GRIN2B: variants seen among roughly 807,000 people sequenced by gnomAD.
GRIN2B encodes glutamate receptor ionotropic, NMDA 2B.
Under a neutral mutation model 114.5 loss-of-function variants are expected in GRIN2B, and 5 were observed. That is an observed-to-expected ratio of 0.04 (90% CI 0.02 to 0.09). The LOEUF (loss-of-function observed/expected upper bound fraction) is 0.09. Among genes scored for constraint, GRIN2B ranks in the 10% least tolerant of loss-of-function variants. GRIN2B has a pLI of 1.00. For synonymous variants in GRIN2B, 787 were observed against 745.1 expected, an observed-to-expected ratio of 1.06 and a Z score of -0.92; for missense variants, 1,108 against 1,943.5, an observed-to-expected ratio of 0.57 and a Z score of 8.08.
At chr12:13,806,002 T>C (rs535168005) in intron 3 of GRIN2B, among the ~76,000 whole-genome samples, 1 of 152,330 alleles carries the variant, frequency 6.6e-6, no homozygotes, top group South Asian at 2.1e-4. Context: ...GTATCTTGCT[T>C]ACTTCACTTA....
At chr12:13,676,164 G>T in intron 4 of GRIN2B, among the ~76,000 whole-genome samples, 1 of 152,134 alleles carries the variant, frequency 6.6e-6, no homozygotes, top group East Asian at 1.9e-4. Flanking sequence ...ACAGGGAGGG[G>T]AACAAGACAC....
chr12:13,840,588 A>G (rs550905186), intron 3 of GRIN2B, among the ~76,000 whole-genome samples: 3 of 152,330 alleles, frequency 2.0e-5, no homozygotes, highest in African/African-American at 7.2e-5. Context: ...TTAATGTCAT[A>G]TGTTAATTAA....
intron 5 of GRIN2B, among the ~76,000 whole-genome samples, chr12:13,621,309 C>T (rs567399005): frequency 6.6e-6 from 1 of 151,984 alleles, no homozygotes; most frequent in Non-Finnish European, 1.5e-5. Context: ...GTGCAGACAG[C>T]GGTAGAACAT....
intron 2 of GRIN2B, among the ~76,000 whole-genome samples, chr12:13,888,799 A>T (rs1036901227): frequency 6.6e-5 from 10 of 152,172 alleles, no homozygotes; most frequent in African/African-American, 2.4e-4. Context: ...AGATAAAAAA[A>T]AAAAAATGGT....
chr12:13,888,720 C>T (rs572279614), intron 2 of GRIN2B, among the ~76,000 whole-genome samples: 2 of 145,662 alleles, frequency 1.4e-5, no homozygotes, highest in East Asian at 4.1e-4. Context: ...GGAGAGGGAG[C>T]AAGACTCCAT....
At chr12:13,737,915 T>A (rs901820161) in intron 4 of GRIN2B, among the ~76,000 whole-genome samples, 6 of 152,184 alleles carry the variant, frequency 3.9e-5, no homozygotes, top group African/African-American at 1.4e-4. Flanking sequence ...TTCTGAAAAA[T>A]TATGTTCTTT....
intron 2 of GRIN2B, among the ~76,000 whole-genome samples, chr12:13,897,626 AT>A (rs1208439428): frequency 1.3e-5 from 2 of 151,980 alleles, no homozygotes; most frequent in Non-Finnish European, 2.9e-5. Flanking sequence ...CAGGACACTT[AT>A]CCCTCTGGGC....
chr12:13,696,090 T>C (rs1305420422), intron 4 of GRIN2B, among the ~76,000 whole-genome samples: 2 of 152,172 alleles, frequency 1.3e-5, no homozygotes, highest in African/African-American at 2.4e-5. Context: ...AAAGGTGAGC[T>C]GACTGGTTCT....
At chr12:13,723,134 T>A (rs1043372382) in intron 4 of GRIN2B, among the ~76,000 whole-genome samples, 2 of 71,348 alleles carry the variant, frequency 2.8e-5, no homozygotes, top group East Asian at 1.5e-3. Context: ...GCTTACACCT[T>A]TTTTTTTTGT....
At chr12:13,750,457 T>G (rs952019772) in intron 4 of GRIN2B, among the ~76,000 whole-genome samples, 2 of 152,246 alleles carry the variant, frequency 1.3e-5, no homozygotes, top group Admixed American at 1.3e-4. Flanking sequence ...AGTTTTAAGT[T>G]AAAAGTAGGC....
At chr12:13,934,555 A>T (rs980214569) in intron 2 of GRIN2B, among the ~76,000 whole-genome samples, 7 of 152,184 alleles carry the variant, frequency 4.6e-5, no homozygotes, top group African/African-American at 1.7e-4. Flanking sequence ...GCTATTCCAC[A>T]GTGCTTCTCC....
chr12:13,789,989 C>G (rs766162133), intron 3 of GRIN2B, among the ~76,000 whole-genome samples: 2 of 152,162 alleles, frequency 1.3e-5, no homozygotes, highest in African/African-American at 2.4e-5. Context: ...TTGAAAGCAT[C>G]CTTACTCTTC....
chr12:13,841,235 G>T (rs1865373436), intron 3 of GRIN2B, among the ~76,000 whole-genome samples: 1 of 152,126 alleles, frequency 6.6e-6, no homozygotes, highest in Non-Finnish European at 1.5e-5. Flanking sequence ...ATTTATCCAA[G>T]ATCACACAGC....
At chr12:13,856,199 A>G (rs1007248544) in intron 3 of GRIN2B, among the ~76,000 whole-genome samples, 3 of 152,306 alleles carry the variant, frequency 2.0e-5, no homozygotes, top group Admixed American at 2.0e-4. Flanking sequence ...AGACAAAAGC[A>G]CAGAGATGTA....
intron 2 of GRIN2B, among the ~76,000 whole-genome samples, chr12:13,932,632 C>T (rs1867054106): frequency 6.6e-6 from 1 of 152,158 alleles, no homozygotes; most frequent in African/African-American, 2.4e-5. Context: ...AGAGAGAACA[C>T]AGAGAGGCCT....
At chr12:13,855,402 C>T (rs1361232599) in intron 3 of GRIN2B, among the ~76,000 whole-genome samples, 3 of 152,178 alleles carry the variant, frequency 2.0e-5, no homozygotes, top group Non-Finnish European at 2.9e-5. Context: ...CCAGAACTCC[C>T]TCACTTAACT....
chr12:13,686,954 G>A (rs1383200056), intron 4 of GRIN2B, among the ~76,000 whole-genome samples: 2 of 152,102 alleles, frequency 1.3e-5, no homozygotes, highest in African/African-American at 2.4e-5. Context: ...GGTCCCATGA[G>A]AACCAGTTGT....
intron 10 of GRIN2B, among the ~76,000 whole-genome samples, chr12:13,574,181 G>C (rs944197449): frequency 6.6e-6 from 1 of 152,076 alleles, no homozygotes; most frequent in Admixed American, 6.5e-5. Context: ...AGCTCAATTC[G>C]CCTAATTAAT....
At chr12:13,792,012 T>C (rs912207816) in intron 3 of GRIN2B, among the ~76,000 whole-genome samples, 7 of 152,226 alleles carry the variant, frequency 4.6e-5, no homozygotes, top group African/African-American at 1.4e-4. Context: ...TCTAGCTTCA[T>C]GAAATCCACT....
Sources: allele counts gnomAD v4.1 joint callset (sites outside exome capture counted in the v4.1 genomes callset), GRCh38; gene constraint gnomAD v4.1.1; transcripts MANE v1.5; gene names NCBI Gene and HGNC (gene_info 2026-07-23, HGNC 2026-07-21).